EFHC2: variants seen among roughly 807,000 people sequenced by gnomAD.
EFHC2 encodes EF-hand domain containing 2.
Under a neutral mutation model 52.7 loss-of-function variants are expected in EFHC2, and 18 were observed. The ratio of observed to expected loss-of-function variants is 0.34; its 90% CI spans 0.24 to 0.51. EFHC2 has a LOEUF of 0.51. Among genes scored for constraint, EFHC2 ranks in the 20% least tolerant of loss-of-function variants. The pLI is 0.97. For missense variants in EFHC2, 513 were observed against 562.5 expected, an observed-to-expected ratio of 0.91 and a Z score of 0.89; for synonymous variants, 203 against 204.1, an observed-to-expected ratio of 0.99 and a Z score of 0.04.
Position 44,343,649 on chromosome X carries a change from T to C in EFHC2, c.-61A>G. On this transcript the variant is annotated 5_prime_UTR_variant, in exon 1 of 15. Transcript: ENST00000420999. ...AGAGGGCCCGGCAGGCAGCGGCGCC[T>C]CCCGGCCGTGTTGTTTGGCCCCCAC... 9.3e-7 allele frequency: 1 copy of C among 1,077,408 alleles called. No individual in the cohort carries two copies. Among genetic ancestry groups the C allele is most frequent in the Non-Finnish European group, 1.2e-6 (1 of 810,922 alleles). The allele number at this position is 1,077,408 out of a possible 1,213,427, so 88.8% of individuals were successfully genotyped here.
intron 3 of EFHC2, among the ~76,000 whole-genome samples, chrX:44,271,191 G>C (rs2037614623): frequency 1.8e-5 from 2 of 111,565 alleles, no homozygotes. Flanking sequence ...ACTGTATCCA[G>C]GTAACATCCC....
intron 2 of EFHC2, 31 bp from the exon 3 acceptor site, chrX:44,272,867 TGAAAA>T: frequency 1.8e-6 from 2 of 1,105,796 alleles, no homozygotes; most frequent in Non-Finnish European, 1.2e-6. Context: ...AACTAAGAAA[TGAAAA>T]GAAAATTCAG....
intron 8 of EFHC2, among the ~76,000 whole-genome samples, 158 bp downstream of exon 8, chrX:44,241,963 C>T (rs986140017): frequency 5.4e-5 from 6 of 112,149 alleles, no homozygotes; most frequent in East Asian, 2.8e-4. Flanking sequence ...CCTGTTAATA[C>T]GTGCATGTTA....
chrX:44,273,753 T>A, intron 2 of EFHC2, among the ~76,000 whole-genome samples: 1 of 112,086 alleles, frequency 8.9e-6, no homozygotes, highest in Middle Eastern at 4.6e-3. Context: ...GGCTACCATT[T>A]CAAGCTTGAC....
chrX:44,257,406 C>G (rs1041581957), intron 4 of EFHC2, among the ~76,000 whole-genome samples: 18 of 111,796 alleles, frequency 1.6e-4, no homozygotes, highest in Non-Finnish European at 3.4e-4. Context: ...CATCTCAGCC[C>G]AAAATCTCCT....
intron 1 of EFHC2, among the ~76,000 whole-genome samples, chrX:44,328,905 G>T (rs1377405571): frequency 9.0e-6 from 1 of 111,501 alleles, no homozygotes; most frequent in Non-Finnish European, 1.9e-5. Flanking sequence ...AGAAAATTCT[G>T]TAAAGGGGCT....
intron 11 of EFHC2, among the ~76,000 whole-genome samples, chrX:44,194,533 T>C (rs1043099324): frequency 1.8e-5 from 2 of 112,186 alleles, no homozygotes; most frequent in Admixed American, 9.5e-5. Flanking sequence ...CAGTACCAAA[T>C]ATAGCAGTTT....
At chrX:44,193,660 T>G (rs1357593162) in intron 11 of EFHC2, among the ~76,000 whole-genome samples, 1 of 111,784 alleles carries the variant, frequency 8.9e-6, no homozygotes, top group African/African-American at 3.3e-5. Flanking sequence ...GTTCACAAAT[T>G]CCACAGGCTC....
intron 14 of EFHC2, among the ~76,000 whole-genome samples, chrX:44,157,965 T>G (rs2036621263): frequency 9.0e-6 from 1 of 111,123 alleles, no homozygotes; most frequent in African/African-American, 3.3e-5. Context: ...AGATTCCCCA[T>G]CACTATGCTC....
intron 14 of EFHC2, among the ~76,000 whole-genome samples, chrX:44,152,059 T>C (rs2036574489): frequency 8.9e-6 from 1 of 111,979 alleles, no homozygotes; most frequent in Admixed American, 9.5e-5. Flanking sequence ...ATTTCAGAGA[T>C]GATTTATGAT....
chrX:44,224,283 C>T (rs1032662447), intron 11 of EFHC2, among the ~76,000 whole-genome samples: 2 of 112,295 alleles, frequency 1.8e-5, no homozygotes, highest in African/African-American at 6.5e-5. Flanking sequence ...AAAGCATTTT[C>T]ACTTTCTGAG....
intron 2 of EFHC2, among the ~76,000 whole-genome samples, chrX:44,293,041 G>A (rs1199797551): frequency 9.6e-6 from 1 of 103,833 alleles, no homozygotes; most frequent in Non-Finnish European, 2.0e-5. Context: ...GCAGTGGTGC[G>A]ATCTCGGCTC....
chrX:44,252,255 T>G (rs952648906), intron 4 of EFHC2, among the ~76,000 whole-genome samples: 1 of 111,920 alleles, frequency 8.9e-6, no homozygotes, highest in Admixed American at 9.5e-5. Context: ...GGAGTTAAAC[T>G]GCCCCCATTT....
In EFHC2 at chrX:44,250,873, A is replaced by T. The variant is rs534487815; in HGVS notation, c.607-428T>A. ...GAAAACAAAAAAGATATATTTTTCT[A>T]CAGATTATTCTGTGATTTTGTTTTT... On this transcript the variant is annotated intron_variant, in intron 4 of 14. Transcript: ENST00000420999. Among the ~76,000 whole-genome samples the T allele has an allele frequency of 5.4e-4, 59 of 108,305 alleles. No individual in the cohort carries two copies. The South Asian group carries it at 0.022, about 40-fold the overall frequency. The allele number at this position is 108,305 out of a possible 115,157, so 94.0% of individuals were successfully genotyped here. A position where few individuals can be genotyped will look rare whatever the true frequency, so the allele number is the denominator to read the frequency against.
intron 11 of EFHC2, among the ~76,000 whole-genome samples, chrX:44,197,207 A>G (rs1359091755): frequency 8.9e-6 from 1 of 112,039 alleles, no homozygotes; most frequent in African/African-American, 3.2e-5. Flanking sequence ...GAAAGGTCAA[A>G]ATAAGTCTAG....
At chrX:44,192,281 T>A (rs912665314) in intron 11 of EFHC2, among the ~76,000 whole-genome samples, 1 of 112,062 alleles carries the variant, frequency 8.9e-6, no homozygotes, top group Non-Finnish European at 1.9e-5. Context: ...ACATTTCTAT[T>A]GTTCCATGCA....
Position 44,285,685 on chromosome X carries a change from A to C in EFHC2, c.232-12849T>G, listed in dbSNP as rs1169003043. ...TTGCCCATTATTATAACAACTATCA[A>C]GAAAGAAGTATTTTAAAAGCCTTAC... On this transcript the variant is annotated intron_variant, in intron 2 of 14. Transcript: ENST00000420999. The C allele has an allele frequency of 2.7e-5, 4 of 149,143 alleles. No homozygotes were observed. The East Asian group carries it at 6.2e-4, about 23-fold the overall frequency. 12.3% of individuals were successfully genotyped at this position (149,143 alleles called of 1,213,427 possible).
intron 1 of EFHC2, among the ~76,000 whole-genome samples, chrX:44,325,840 A>G (rs1476160075): frequency 1.9e-5 from 2 of 104,816 alleles, no homozygotes; most frequent in Non-Finnish European, 3.9e-5. Flanking sequence ...TGTCATTTCT[A>G]TTGCCACAAT....
chrX:44,273,977 C>T (rs957709332), intron 2 of EFHC2, among the ~76,000 whole-genome samples: 5 of 111,976 alleles, frequency 4.5e-5, no homozygotes, highest in African/African-American at 1.6e-4. Context: ...AGAATATATA[C>T]TCCAGGAGTG....
Sources: gnomAD v4.1 joint callset for allele counts (sites outside exome capture counted in the v4.1 genomes callset) on GRCh38, gnomAD v4.1.1 for gene constraint, MANE v1.5 for transcripts, NCBI Gene and HGNC (gene_info 2026-07-23, HGNC 2026-07-21) for gene names.